CFAP54: variants seen among roughly 807,000 people sequenced by gnomAD.
The protein encoded by CFAP54 is cilia- and flagella-associated protein 54.
Under a neutral mutation model 370.4 loss-of-function variants are expected in CFAP54, and 290 were observed. The ratio of observed to expected loss-of-function variants is 0.78; its 90% CI spans 0.71 to 0.86. CFAP54 has a LOEUF of 0.86. CFAP54 is among the 40% of genes least tolerant of loss of function. The probability of loss-of-function intolerance (pLI) is 0.00; values close to 1 mark genes in which losing one functional copy is unlikely to be tolerated. For synonymous variants in CFAP54, 1,206 were observed against 1,236.5 expected (o/e 0.98, Z 0.52); for missense variants, 3,399 against 3,528.7 (o/e 0.96, Z 0.93).
rs1385823125 is a variant in CFAP54, at chr12:96,576,628, C to T, written c.2663C>T (p.Ala888Val). ...CAGAGGATTGAAGCTGAACAAAATG[C>T]CCTATATTCCTATCAGAAATATTTG... is the stretch of plus-strand genomic sequence containing the variant. The part of the protein sequence containing the change: ...LIQRIEAEQN[A>V]LYSYQKYLES... The change falls in exon 20 of 68, where the codon GCC (alanine) becomes GTC (valine). Residue 888 changes from alanine (A) to valine (V), a missense_variant. By Grantham distance (64) the Ala-to-Val change is moderately conservative. This residue lies in a region of CFAP54 where 2,796 missense variants were observed against 2,869.7 expected (regional missense o/e 0.97). Transcript: ENST00000524981. 2.6e-6 allele frequency: 4 copies of T among 1,534,490 alleles called. No homozygotes were observed. In the East Asian group the frequency reaches 9.8e-5, roughly 38 times the overall value.
chr12:96,532,149 G>A (rs923698440), intron 9 of CFAP54, among the ~76,000 whole-genome samples: 1 of 152,128 alleles, frequency 6.6e-6, no homozygotes, highest in Non-Finnish European at 1.5e-5. Context: ...TTAAATTCTT[G>A]TTTGTGCTTT....
chr12:96,674,013 G>A (rs1957175975), intron 39 of CFAP54, among the ~76,000 whole-genome samples: 1 of 152,276 alleles, frequency 6.6e-6, no homozygotes, highest in South Asian at 2.1e-4. Flanking sequence ...GCTCCATAGG[G>A]GAGATAACTC....
chr12:96,774,535 G>T (rs1212886268), intron 60 of CFAP54, among the ~76,000 whole-genome samples: 2 of 151,748 alleles, frequency 1.3e-5, no homozygotes, highest in African/African-American at 4.8e-5. Context: ...TTAAATTTTT[G>T]TAACCTTATA....
intron 20 of CFAP54, 140 bp downstream of exon 20, chr12:96,576,901 TCTTA>T: frequency 2.8e-6 from 2 of 709,082 alleles, no homozygotes; most frequent in Non-Finnish European, 2.2e-6. Context: ...TATTCCAATG[TCTTA>T]TCTATACTTA....
chr12:96,522,384 T>C (rs1955330675), intron 8 of CFAP54, among the ~76,000 whole-genome samples, 195 bp downstream of exon 8: 1 of 152,190 alleles, frequency 6.6e-6, no homozygotes, highest in African/African-American at 2.4e-5. Flanking sequence ...AGCTTTTGTG[T>C]CTTAGCACAA....
intron 67 of CFAP54, among the ~76,000 whole-genome samples, chr12:96,867,323 A>G (rs1960031044): frequency 6.6e-6 from 1 of 152,202 alleles, no homozygotes; most frequent in South Asian, 2.1e-4. Flanking sequence ...TATGCCAGGA[A>G]CTGTGAACAC....
At chr12:96,718,852 A>C (rs541421267) in intron 49 of CFAP54, among the ~76,000 whole-genome samples, 77 of 152,350 alleles carry the variant, frequency 5.1e-4, no homozygotes, top group African/African-American at 1.8e-3. Context: ...CAGCCTGACC[A>C]ACATGGAGAA....
chr12:96,494,113 C>A (rs1296644719), intron 1 of CFAP54, among the ~76,000 whole-genome samples: 2 of 152,046 alleles, frequency 1.3e-5, no homozygotes, highest in African/African-American at 2.4e-5. Flanking sequence ...GCAGGAAGAT[C>A]CTTGGCAGAA....
chr12:96,596,920 G>A (rs1216368323), intron 25 of CFAP54, among the ~76,000 whole-genome samples: 5 of 151,988 alleles, frequency 3.3e-5, no homozygotes, highest in Non-Finnish European at 7.4e-5. Flanking sequence ...ATGAAAAGAT[G>A]CTCAAATTCT....
intron 63 of CFAP54, among the ~76,000 whole-genome samples, chr12:96,811,483 T>C (rs993610662): frequency 1.3e-5 from 2 of 152,180 alleles, no homozygotes; most frequent in African/African-American, 4.8e-5. Context: ...ATAAACTTAA[T>C]TGCAATACAA....
chr12:96,758,899 G>A (rs1363473757), intron 58 of CFAP54, among the ~76,000 whole-genome samples: 3 of 152,160 alleles, frequency 2.0e-5, no homozygotes, highest in South Asian at 4.1e-4. Context: ...TGGGCCACAC[G>A]TGAGGACCAA....
chr12:96,750,819 C>T (rs571169786), intron 55 of CFAP54, among the ~76,000 whole-genome samples: 1 of 152,160 alleles, frequency 6.6e-6, no homozygotes, highest in Non-Finnish European at 1.5e-5. Flanking sequence ...TTATATTAAA[C>T]ACAGACTTAA....
chr12:96,851,406 G>T (rs1489122030), intron 66 of CFAP54, among the ~76,000 whole-genome samples: 1 of 151,888 alleles, frequency 6.6e-6, no homozygotes, highest in Non-Finnish European at 1.5e-5. Flanking sequence ...AAATAATAAA[G>T]CTCATTATCT....
intron 24 of CFAP54, among the ~76,000 whole-genome samples, chr12:96,593,209 G>C (rs983354900): frequency 6.6e-6 from 1 of 152,130 alleles, no homozygotes; most frequent in East Asian, 1.9e-4. Flanking sequence ...GAACATTGCT[G>C]TATGTACATC....
At chr12:96,664,683 C>T (rs1474134307) in intron 39 of CFAP54, among the ~76,000 whole-genome samples, 28 of 97,132 alleles carry the variant, frequency 2.9e-4, no homozygotes, top group East Asian at 8.8e-4. Context: ...ATTTATATTC[C>T]TTTGGGTATA....
chr12:96,499,426 T>A (rs1215189675), intron 1 of CFAP54, among the ~76,000 whole-genome samples: 2 of 152,148 alleles, frequency 1.3e-5, no homozygotes, highest in Non-Finnish European at 2.9e-5. Context: ...ATACCCTACA[T>A]GCCTATTAGG....
chr12:96,809,814 T>A (rs1421888261), intron 63 of CFAP54, among the ~76,000 whole-genome samples: 1 of 152,208 alleles, frequency 6.6e-6, no homozygotes, highest in Non-Finnish European at 1.5e-5. Context: ...GTCTTTTCTC[T>A]TTGACATATC....
intron 64 of CFAP54, among the ~76,000 whole-genome samples, chr12:96,816,815 T>C (rs928453340): frequency 6.6e-6 from 1 of 152,216 alleles, no homozygotes; most frequent in African/African-American, 2.4e-5. Context: ...GTAAGCCTTT[T>C]CACCTTCTGC....
At chr12:96,642,512 C>T (rs1014412832) in intron 32 of CFAP54, among the ~76,000 whole-genome samples, 16 of 152,166 alleles carry the variant, frequency 1.1e-4, no homozygotes, top group African/African-American at 3.9e-4. Context: ...CTCTCTGTAT[C>T]TAAAACCATA....
Sources: gnomAD v4.1 joint callset for allele counts (sites outside exome capture counted in the v4.1 genomes callset) on GRCh38, gnomAD v4.1.1 for gene constraint, gnomAD v4.1.1 regional missense constraint, MANE v1.5 for transcripts, NCBI Gene and HGNC (gene_info 2026-07-23, HGNC 2026-07-21) for gene names.